The following MOCS3 variants were observed in gnomAD, a reference collection of about 807,000 sequenced individuals.
The protein encoded by MOCS3 is adenylyltransferase and sulfurtransferase MOCS3.
MOCS3 carries 9 observed loss-of-function variants against 8.4 expected under a neutral mutation model. The observed-to-expected ratio is 1.07, with a 90% CI of 0.65 to 1.87. The LOEUF (loss-of-function observed/expected upper bound fraction) is 1.87. Ranked by LOEUF, MOCS3 falls within the 40% of genes most tolerant of loss-of-function variation. The pLI is 0.00. For missense variants in MOCS3, 581 were observed against 599.7 expected (o/e 0.97, Z 0.33); for synonymous variants, 294 against 272.0 (o/e 1.08, Z -0.80).
rs767378037 is a variant in MOCS3, at chr20:50,959,730, C to G, written c.888C>G (p.Asp296Glu). The change falls in exon 1 of 1, where the codon GAC becomes GAG. Residue 296 changes from aspartate to glutamate, a missense_variant. Transcript: ENST00000244051. ...TTCGGCTGCGGAGCCGCAGGCTCGA[C>G]TGTGCAGCTTGCGGGGAACGGCCCA... ...RSIRLRSRRL[D>E]CAACGERPTV... 1.9e-6 allele frequency: 3 copies of G among 1,614,268 alleles called. No homozygotes were observed. In the South Asian group the frequency reaches 3.3e-5, roughly 18 times the overall value.
At position 50,959,360 on chromosome 20, in the gene MOCS3, A is replaced by G; in HGVS notation, c.518A>G (p.Tyr173Cys). 2 of 1,611,592 alleles carry G rather than the reference A, an allele frequency of 1.2e-6. No individual in the cohort carries two copies. The highest frequency in any genetic ancestry group is 1.7e-6 in the Non-Finnish European group (2 of 1,178,612). Residue 173 changes from tyrosine (Y) to cysteine (C), a missense_variant, in exon 1 of 1, where the codon TAT becomes TGT. Tyr to Cys is a radical substitution (Grantham distance 194, BLOSUM62 -2). Transcript: ENST00000244051. ...ACTGCCCTAGACCTGGTCCGCCGATATGATGTGGTGGCTGACTGCTCGGAC... is the reference window on the plus strand; with the variant it reads ...ACTGCCCTAGACCTGGTCCGCCGATGTGATGTGGTGGCTGACTGCTCGGAC... ...PATALDLVRR[Y>C]DVVADCSDNV...
In MOCS3 at chr20:50,960,490, A is replaced by G. The variant is rs1987081628; in HGVS notation, c.*265A>G. The G allele has an allele frequency of 5.7e-6, 2 of 350,992 alleles. No individual in the cohort carries two copies. Among genetic ancestry groups the G allele is most frequent in the East Asian group, 9.5e-5 (2 of 20,978 alleles). 21.7% of individuals were successfully genotyped at this position (350,992 alleles called of 1,614,324 possible). Reference sequence around the variant, plus strand: ...GACATGTGAGATGTAACGTGACAGGATTTTGCATTTTAAACTGCAGATCAT... The same window carrying G: ...GACATGTGAGATGTAACGTGACAGGGTTTTGCATTTTAAACTGCAGATCAT... On this transcript the variant is annotated 3_prime_UTR_variant, in exon 1 of 1. Coordinates refer to ENST00000244051, the MANE Select transcript of MOCS3 (RefSeq NM_014484.5).
rs561958736 is a variant in MOCS3, at chr20:50,961,983, T to C, written c.*1758T>C. On this transcript the variant is annotated 3_prime_UTR_variant, in exon 1 of 1. Transcript: ENST00000244051. ...TATTCTAAAGACTGAAGTCCTAAAG[T>C]TATAGACAGTTGTAGTTCCTATAAA... 1 of 152,334 alleles carries C rather than the reference T, an allele frequency of 6.6e-6. No individual in the cohort carries two copies. Among genetic ancestry groups the C allele is most frequent in the East Asian group, 1.9e-4 (1 of 5,188 alleles). The allele number at this position is 152,334 out of a possible 1,614,324, so 9.4% of individuals were successfully genotyped here. A position where few individuals can be genotyped will look rare whatever the true frequency, so the allele number is the denominator to read the frequency against.
At position 50,959,820 on chromosome 20, in the gene MOCS3, C is replaced by T. The variant is rs1392709690; in HGVS notation, c.978C>T (p.Ser326=). The T allele has an allele frequency of 6.2e-7, 1 of 1,614,248 alleles. No individual in the cohort carries two copies. The highest frequency in any genetic ancestry group is 1.7e-5 in the Admixed American group (1 of 60,034). ...CCTCAGCCACTGATAAATGCCGCTCCCTGCAACTACTGAGCCCAGAGGAGC... is the reference window on the plus strand; with the variant it reads ...CCTCAGCCACTGATAAATGCCGCTCTCTGCAACTACTGAGCCCAGAGGAGC... The part of the protein sequence containing the change: ...CGSSATDKCR[S]LQLLSPEERV... Residue 326 remains serine (S), a synonymous_variant, in exon 1 of 1, where the codon TCC becomes TCT. Transcript: ENST00000244051.
In MOCS3 at chr20:50,959,396, C is replaced by T; in HGVS notation, c.554C>T (p.Thr185Ile). 1 of 1,613,648 alleles carries T rather than the reference C, an allele frequency of 6.2e-7. No individual in the cohort carries two copies. The highest frequency in any genetic ancestry group is 8.5e-7 in the Non-Finnish European group (1 of 1,179,848). The part of the protein sequence containing the change: ...VVADCSDNVP[T>I]RYLVNDACVL... The stretch of plus-strand genomic sequence containing the variant: ...GCTGACTGCTCGGACAACGTGCCCA[C>T]TCGCTACCTGGTTAATGACGCATGT... The change falls in exon 1 of 1, where the codon ACT becomes ATT. Residue 185 changes from threonine (T) to isoleucine (I), a missense_variant. By Grantham distance (89) the Thr-to-Ile change is moderately conservative. Coordinates refer to ENST00000244051, the MANE Select transcript of MOCS3 (RefSeq NM_014484.5).
In MOCS3 at chr20:50,960,969, C is replaced by T. The variant is rs1987093468; in HGVS notation, c.*744C>T. On this transcript the variant is annotated 3_prime_UTR_variant, in exon 1 of 1. Coordinates refer to ENST00000244051, the MANE Select transcript of MOCS3 (RefSeq NM_014484.5). ...ATGTTTGTCAGGCTGGTCTCGAACT[C>T]CTGACCTCGTGATCCGCCTGCCTCG... 6.0e-6 allele frequency: 1 copy of T among 165,540 alleles called. No individual in the cohort carries two copies. Among genetic ancestry groups the T allele is most frequent in the African/African-American group, 2.4e-5 (1 of 41,436 alleles). The allele number at this position is 165,540 out of a possible 1,614,324, so 10.3% of individuals were successfully genotyped here. A position where few individuals can be genotyped will look rare whatever the true frequency, so the allele number is the denominator to read the frequency against.
chr20:50,960,163 G>A lies in MOCS3; in HGVS notation c.1321G>A (p.Asp441Asn). ...AQELDPLTVR[D>N]VVGGLMAWAA... The stretch of plus-strand genomic sequence containing the variant: ...AGAGTTAGACCCTTTAACAGTTCGG[G>A]ATGTTGTGGGGGGCCTCATGGCCTG... The change falls in exon 1 of 1, where the codon GAT becomes AAT. Residue 441 changes from aspartate (D) to asparagine (N), a missense_variant. Physicochemically the swap from Asp to Asn is conservative, Grantham distance 23. Coordinates refer to ENST00000244051, the MANE Select transcript of MOCS3 (RefSeq NM_014484.5). 2.5e-6 allele frequency: 4 copies of A among 1,614,188 alleles called. No individual in the cohort carries two copies. The highest frequency in any genetic ancestry group is 3.4e-6 in the Non-Finnish European group (4 of 1,180,030).
At position 50,958,923 on chromosome 20, in the gene MOCS3, G is replaced by A. The variant is rs975295348; in HGVS notation, c.81G>A (p.Lys27=). Residue 27 remains lysine (K), a synonymous_variant, in exon 1 of 1, where the codon AAG becomes AAA. Coordinates refer to ENST00000244051, the MANE Select transcript of MOCS3 (RefSeq NM_014484.5). ...AGGAATTGAATTCGCTGAAGCAGAA[G>A]CTGGCGTCGGCTCTTTTGGCTGAGC... is the stretch of plus-strand genomic sequence containing the variant. ...REEELNSLKQ[K]LASALLAEQE... is the part of the protein sequence containing the mutation. 5.0e-6 allele frequency: 8 copies of A among 1,609,692 alleles called. No individual in the cohort carries two copies. The African/African-American group carries it at 9.3e-5, about 19-fold the overall frequency.
rs1262949720 is a variant in MOCS3, at chr20:50,963,747, T to C, written c.*3522T>C. On this transcript the variant is annotated 3_prime_UTR_variant, in exon 1 of 1. Coordinates refer to ENST00000244051, the MANE Select transcript of MOCS3 (RefSeq NM_014484.5). ...AATATTTTGAGCACTTACTGTGTTATTTGGGATTTGAATCCAGATGCTCTG... is the reference window on the plus strand; with the variant it reads ...AATATTTTGAGCACTTACTGTGTTACTTGGGATTTGAATCCAGATGCTCTG... 6.6e-6 allele frequency: 1 copy of C among 152,258 alleles called. No individual in the cohort carries two copies. The highest frequency in any genetic ancestry group is 2.4e-5 in the African/African-American group (1 of 41,464). 9.4% of individuals were successfully genotyped at this position (152,258 alleles called of 1,614,324 possible).
rs927089759 is a variant in MOCS3, at chr20:50,963,804, A to G, written c.*3579A>G. On this transcript the variant is annotated 3_prime_UTR_variant, in exon 1 of 1. Transcript: ENST00000244051. Reference sequence around the variant, plus strand: ...GAGCCCATTCCCTAAGTGTCATGCTATACTGACTCTAAGCAAAACTTTGCC... The same window carrying G: ...GAGCCCATTCCCTAAGTGTCATGCTGTACTGACTCTAAGCAAAACTTTGCC... 1.3e-5 allele frequency: 2 copies of G among 152,244 alleles called. No homozygotes were observed. The highest frequency in any genetic ancestry group is 2.4e-5 in the African/African-American group (1 of 41,470). 9.4% of individuals were successfully genotyped at this position (152,244 alleles called of 1,614,324 possible).
At position 50,959,890 on chromosome 20, in the gene MOCS3, T is replaced by G; in HGVS notation, c.1048T>G (p.Phe350Val). The part of the protein sequence containing the change: ...DYKRLLDSGA[F>V]HLLLDVRPQV... ...TAAGCGACTGCTGGATTCTGGGGCA[T>G]TCCACCTGTTGCTGGACGTCAGGCC... is the stretch of plus-strand genomic sequence containing the variant. The change falls in exon 1 of 1, where the codon TTC becomes GTC. Residue 350 changes from phenylalanine (F) to valine (V), a missense_variant. Transcript: ENST00000244051. 6.2e-7 allele frequency: 1 copy of G among 1,614,240 alleles called. No homozygotes were observed. The highest frequency in any genetic ancestry group is 2.2e-5 in the East Asian group (1 of 44,882).
chr20:50,959,924 A>G lies in MOCS3; in HGVS notation c.1082A>G (p.Glu361Gly). 1 of 1,614,252 alleles carries G rather than the reference A, an allele frequency of 6.2e-7. No individual in the cohort carries two copies. Among genetic ancestry groups the G allele is most frequent in the Non-Finnish European group, 8.5e-7 (1 of 1,180,040 alleles). The change falls in exon 1 of 1, where the codon GAG (glutamate) becomes GGG (glycine). Residue 361 changes from glutamate (E) to glycine (G), a missense_variant. By Grantham distance (98) the Glu-to-Gly change is moderately conservative (BLOSUM62 -2). Transcript: ENST00000244051. ...HLLLDVRPQV[E>G]VDICRLPHAL... is the part of the protein sequence containing the mutation. ...TTGCTGGACGTCAGGCCTCAGGTGG[A>G]GGTGGACATTTGTCGTTTGCCTCAT... is the stretch of plus-strand genomic sequence containing the variant.
rs896917611 is a variant in MOCS3 at position 50,962,905 on chromosome 20, T to C, written c.*2680T>C. On this transcript the variant is annotated 3_prime_UTR_variant, in exon 1 of 1. Transcript: ENST00000244051. ...GGGGATTGTAGCTAGGTTTTTATGG[T>C]GAGATAGGATTTGAACATAATTTGT... 1.3e-5 allele frequency: 2 copies of C among 152,114 alleles called. No individual in the cohort carries two copies. Among genetic ancestry groups the C allele is most frequent in the African/African-American group, 4.8e-5 (2 of 41,398 alleles). The allele number at this position is 152,114 out of a possible 1,614,324, so 9.4% of individuals were successfully genotyped here. A position where few individuals can be genotyped will look rare whatever the true frequency, so the allele number is the denominator to read the frequency against.
In MOCS3 at chr20:50,961,179, A is replaced by G. The variant is rs953426306; in HGVS notation, c.*954A>G. The stretch of plus-strand genomic sequence containing the variant: ...ACACATATCACATCGTTTAAATTGC[A>G]TACTATGGTTTGACTTGCTTTGGAA... On this transcript the variant is annotated 3_prime_UTR_variant, in exon 1 of 1. Coordinates refer to ENST00000244051, the MANE Select transcript of MOCS3 (RefSeq NM_014484.5). 1 of 167,114 alleles carries G rather than the reference A, an allele frequency of 6.0e-6. No homozygotes were observed. Among genetic ancestry groups the G allele is most frequent in the Non-Finnish European group, 1.5e-5 (1 of 68,120 alleles). 10.4% of individuals were successfully genotyped at this position (167,114 alleles called of 1,614,324 possible). A position where few individuals can be genotyped will look rare whatever the true frequency, so the allele number is the denominator to read the frequency against.
chr20:50,959,834 G>T lies in MOCS3; in HGVS notation c.992G>T (p.Ser331Ile), dbSNP rs1349565609. The T allele has an allele frequency of 3.7e-6, 6 of 1,614,130 alleles. No individual in the cohort carries two copies. In the African/African-American group the frequency reaches 6.7e-5, roughly 18 times the overall value. The change falls in exon 1 of 1, where the codon AGC becomes ATC. Residue 331 changes from serine (S) to isoleucine (I), a missense_variant. Coordinates refer to ENST00000244051, the MANE Select transcript of MOCS3 (RefSeq NM_014484.5). ...TDKCRSLQLL[S>I]PEERVSVTDY... The stretch of plus-strand genomic sequence containing the variant: ...AAATGCCGCTCCCTGCAACTACTGA[G>T]CCCAGAGGAGCGTGTTTCTGTCACC...
chr20:50,958,890 A>C lies in MOCS3; in HGVS notation c.48A>C (p.Gln16His), dbSNP rs771095371. The change falls in exon 1 of 1, where the codon CAA becomes CAC. Residue 16 changes from glutamine (Q) to histidine (H), a missense_variant. Physicochemically the swap from Gln to His is conservative, Grantham distance 24 (BLOSUM62 0). Transcript: ENST00000244051. ...EVLALQAEVA[Q>H]REEELNSLKQ... ...TCGCCTTACAAGCTGAAGTTGCCCA[A>C]CGTGAGGAGGAATTGAATTCGCTGA... The C allele has an allele frequency of 6.2e-7, 1 of 1,602,686 alleles. No homozygotes were observed. Among genetic ancestry groups the C allele is most frequent in the Non-Finnish European group, 8.5e-7 (1 of 1,171,324 alleles).
At position 50,958,820 on chromosome 20, in the gene MOCS3, G is replaced by C. The variant is rs1201535881; in HGVS notation, c.-23G>C. 4 of 1,567,074 alleles carry C rather than the reference G, an allele frequency of 2.6e-6. No individual in the cohort carries two copies. The Admixed American group carries it at 7.4e-5, about 29-fold the overall frequency. ...AGACGGAAGCGGAAATGCCTTTCACGACAACTTCCGGAAGAGGTCGCCATG... is the reference window on the plus strand; with the variant it reads ...AGACGGAAGCGGAAATGCCTTTCACCACAACTTCCGGAAGAGGTCGCCATG... On this transcript the variant is annotated 5_prime_UTR_variant, in exon 1 of 1. Transcript: ENST00000244051.
At position 50,960,433 on chromosome 20, in the gene MOCS3, A is replaced by T. The variant is rs553453274; in HGVS notation, c.*208A>T. On this transcript the variant is annotated 3_prime_UTR_variant, in exon 1 of 1. Transcript: ENST00000244051. ...GATTATACCGTTTCTGAGAACCATCATTTTTTTTTTCAGCACACGGAGGAT... is the reference window on the plus strand; with the variant it reads ...GATTATACCGTTTCTGAGAACCATCTTTTTTTTTTTCAGCACACGGAGGAT... The T allele has an allele frequency of 1.5e-4, 68 of 455,104 alleles. No individual in the cohort carries two copies. Among genetic ancestry groups the T allele is most frequent in the Non-Finnish European group, 2.3e-4 (61 of 261,980 alleles). 28.2% of individuals were successfully genotyped at this position (455,104 alleles called of 1,614,324 possible).
rs370216205 is a variant in MOCS3 at position 50,959,068 on chromosome 20, G to C, written c.226G>C (p.Gly76Arg). 3.1e-6 allele frequency: 5 copies of C among 1,612,918 alleles called. No individual in the cohort carries two copies. The African/African-American group carries it at 6.7e-5, about 22-fold the overall frequency. Residue 76 changes from glycine to arginine, a missense_variant, in exon 1 of 1, where the codon GGA becomes CGA. Coordinates refer to ENST00000244051, the MANE Select transcript of MOCS3 (RefSeq NM_014484.5). ...AGTGCTGCCCGAGCTGGGCGTGCAC[G>C]GACAGCTGCGCCTGGGGACCGCGTG... ...QLVLPELGVH[G>R]QLRLGTACVL... is the part of the protein sequence containing the mutation.
Sources: allele counts gnomAD v4.1 joint callset, GRCh38; gene constraint gnomAD v4.1.1; transcripts MANE v1.5; gene names NCBI Gene and HGNC (gene_info 2026-07-23, HGNC 2026-07-21).